The following OR56A3 variants were observed in gnomAD, a reference collection of about 807,000 sequenced individuals.
OR56A3 encodes olfactory receptor family 56 subfamily A member 3, also known as olfactory receptor 56A3.
A neutral mutation model predicts 17.5 loss-of-function variants in OR56A3; 23 were observed. The ratio of observed to expected loss-of-function variants is 1.32; its 90% CI spans 0.95 to 1.87. OR56A3 has a LOEUF of 1.87. OR56A3 is among the 40% of genes most tolerant of loss of function. The pLI is 0.00. For missense variants in OR56A3, 366 were observed against 380.1 expected (o/e 0.96, Z 0.31); for synonymous variants, 175 against 150.6 (o/e 1.16, Z -1.19).
At chr11:6,019,284 A>C in the OR56A3 span, 60 of 152,256 alleles carry the variant, frequency 3.9e-4, no homozygotes, top group Middle Eastern at 3.4e-3. Flanking sequence ...AAATACTAGC[A>C]AATCAAATCC....
the OR56A3 span, chr11:5,994,824 G>A: frequency 1.2e-4 from 94 of 756,996 alleles, no homozygotes; most frequent in African/African-American, 2.9e-4. Flanking sequence ...AGGTGCTCCC[G>A]GATTTTGCTC....
chr11:6,008,746 A>G, the OR56A3 span, among the ~76,000 whole-genome samples: 2 of 152,148 alleles, frequency 1.3e-5, no homozygotes, highest in African/African-American at 4.8e-5. Flanking sequence ...CCTATACTAC[A>G]TGTTATAAAT....
the OR56A3 span, among the ~76,000 whole-genome samples, chr11:6,004,278 TGG>T: frequency 6.6e-6 from 1 of 151,852 alleles, no homozygotes; most frequent in Non-Finnish European, 1.5e-5. Flanking sequence ...GAACCAGACC[TGG>T]GGGGCGGAGG....
At chr11:5,999,984 G>T in the OR56A3 span, 1 of 152,166 alleles carries the variant, frequency 6.6e-6, no homozygotes, top group African/African-American at 2.4e-5. Context: ...AGAGGATGTG[G>T]AGAAATAGGA....
At chr11:5,993,815 TAAC>T in the OR56A3 span, 1 of 284,868 alleles carries the variant, frequency 3.5e-6, no homozygotes, top group Non-Finnish European at 6.8e-6. Flanking sequence ...ACATTTTTTT[TAAC>T]TTCTGAACTT....
At chr11:6,011,707 C>T in the OR56A3 span, among the ~76,000 whole-genome samples, 1 of 152,170 alleles carries the variant, frequency 6.6e-6, no homozygotes, top group Non-Finnish European at 1.5e-5. Flanking sequence ...TTTGGCCTGG[C>T]AGGTTACACT....
chr11:5,955,352 A>G (rs934313881), downstream of OR56A3, among the ~76,000 whole-genome samples: 12 of 152,206 alleles, frequency 7.9e-5, no homozygotes, highest in Admixed American at 7.9e-4. Context: ...TAGACACCCA[A>G]CAATGTAAAA....
At chr11:6,021,581 G>C in the OR56A3 span, 5 of 152,088 alleles carry the variant, frequency 3.3e-5, no homozygotes, top group East Asian at 9.6e-4. Context: ...TTTATAAGTA[G>C]AAAGTAGGTT....
At chr11:5,958,674 G>A in the OR56A3 span, among the ~76,000 whole-genome samples, 1 of 152,032 alleles carries the variant, frequency 6.6e-6, no homozygotes, top group Non-Finnish European at 1.5e-5. Flanking sequence ...ACAATACAAT[G>A]TATTATATCA....
At chr11:6,000,034 C>A in the OR56A3 span, 1 of 152,152 alleles carries the variant, frequency 6.6e-6, no homozygotes, top group African/African-American at 2.4e-5. Context: ...ACTAGTTCAA[C>A]CATTGTGGAA....
chr11:5,992,019 T>C, the OR56A3 span, among the ~76,000 whole-genome samples: 3 of 152,170 alleles, frequency 2.0e-5, no homozygotes, highest in South Asian at 6.2e-4. Flanking sequence ...ACCGTGTCTG[T>C]CCAATGTTGG....
At chr11:6,002,512 G>A in the OR56A3 span, 2 of 1,614,108 alleles carry the variant, frequency 1.2e-6, no homozygotes, top group East Asian at 4.5e-5. Flanking sequence ...ATGGGAACAG[G>A]AAGAGAAACA....
At chr11:5,955,114 T>G (rs1377887087), downstream of OR56A3, among the ~76,000 whole-genome samples, 1 of 152,190 alleles carries the variant, frequency 6.6e-6, no homozygotes, top group Non-Finnish European at 1.5e-5. Context: ...GTGTTTAATC[T>G]TGGAACAGTC....
intron 1 of OR56A3, chr11:5,943,513 T>G (rs1172999193): frequency 2.9e-5 from 4 of 136,854 alleles, no homozygotes; most frequent in African/African-American, 1.1e-4. Flanking sequence ...TGATTTTCTT[T>G]AAAAAAAAAA....
rs1349395978 is a variant in OR56A3 at position 5,947,999 on chromosome 11, T to C, written c.653T>C (p.Ile218Thr). Residue 218 changes from isoleucine to threonine, a missense_variant, in exon 3 of 3, where the codon ATC becomes ACC. By Grantham distance (89) the Ile-to-Thr change is moderately conservative. Coordinates refer to ENST00000641160, the MANE Select transcript of OR56A3 (RefSeq NM_001003443.3). ...CTGCTAGGATCTGACCTCATCCTTATCTTCCTCTCCTACACCTTCATTCTG... is the reference window on the plus strand; with the variant it reads ...CTGCTAGGATCTGACCTCATCCTTACCTTCCTCTCCTACACCTTCATTCTG... ...WTLLGSDLIL[I>T]FLSYTFILRA... is the part of the protein sequence containing the mutation. 1.2e-6 allele frequency: 2 copies of C among 1,614,226 alleles called. No individual in the cohort carries two copies. The highest frequency in any genetic ancestry group is 2.2e-5 in the East Asian group (1 of 44,892).
the OR56A3 span, among the ~76,000 whole-genome samples, chr11:5,960,634 C>T: frequency 5.2e-4 from 79 of 152,316 alleles, no homozygotes; most frequent in Non-Finnish European, 9.3e-4. Flanking sequence ...AGCCGCCTGC[C>T]TTGGCCTCCC....
At chr11:5,992,567 C>T in the OR56A3 span, among the ~76,000 whole-genome samples, 275 of 152,292 alleles carry the variant, frequency 1.8e-3, 1 homozygote, top group African/African-American at 6.0e-3. Context: ...AAGACAAATG[C>T]TGCCTGCCTC....
the OR56A3 span, among the ~76,000 whole-genome samples, chr11:5,969,999 A>G: frequency 6.6e-6 from 1 of 152,244 alleles, no homozygotes; most frequent in South Asian, 2.1e-4. Flanking sequence ...GACTCAAATG[A>G]CTAAGAAAGT....
At chr11:5,970,391 C>T in the OR56A3 span, among the ~76,000 whole-genome samples, 1 of 152,162 alleles carries the variant, frequency 6.6e-6, no homozygotes. Flanking sequence ...AAGAGATTAT[C>T]CATTGCATTT....
Sources: allele counts gnomAD v4.1 joint callset (sites outside exome capture counted in the v4.1 genomes callset), GRCh38; gene constraint gnomAD v4.1.1; transcripts MANE v1.5; gene names NCBI Gene and HGNC (gene_info 2026-07-23, HGNC 2026-07-21).